NOL4: variants seen among roughly 807,000 people sequenced by gnomAD.
NOL4 encodes cancer/testis antigen 125.
In NOL4, 17 loss-of-function variants were observed where a neutral mutation model predicts 75.9. That is an observed-to-expected ratio of 0.22 (90% CI 0.15 to 0.34). NOL4 has a LOEUF of 0.34. Among genes scored for constraint, NOL4 ranks in the 10% least tolerant of loss-of-function variants. NOL4 has a pLI of 1.00. For missense variants in NOL4, 614 were observed against 793.5 expected, an observed-to-expected ratio of 0.77 and a Z score of 2.72; for synonymous variants, 292 against 289.9, an observed-to-expected ratio of 1.01 and a Z score of -0.07.
chr18:33,986,255 A>G (rs1424796456), intron 6 of NOL4, among the ~76,000 whole-genome samples: 1 of 152,152 alleles, frequency 6.6e-6, no homozygotes, highest in East Asian at 1.9e-4. Context: ...GTATTGATCT[A>G]TTACTTTTTG....
chr18:34,001,665 G>T (rs1185111933), intron 6 of NOL4: 1 of 152,104 alleles, frequency 6.6e-6, no homozygotes, highest in Non-Finnish European at 1.5e-5. Flanking sequence ...CCTGTTCGAT[G>T]ATGACATTTC....
chr18:34,002,988 C>A (rs957780879), intron 6 of NOL4, among the ~76,000 whole-genome samples: 3 of 151,902 alleles, frequency 2.0e-5, no homozygotes, highest in Non-Finnish European at 2.9e-5. Context: ...AAACATTATC[C>A]CCATTTTTCA....
At chr18:34,198,997 A>C (rs2146465160) in intron 1 of NOL4, among the ~76,000 whole-genome samples, 1 of 151,964 alleles carries the variant, frequency 6.6e-6, no homozygotes, top group Non-Finnish European at 1.5e-5. Context: ...CCTATTATTC[A>C]CTAATGTTAA....
rs147454181 is a variant in NOL4 at position 34,043,943 on chromosome 18, G to A, written c.773-24342C>T. Reference sequence around the variant, plus strand: ...GTATACCTCCAGAATTAGCTTAGGGGTCTCTCTCATGGGATAAATAAAAAG... The same window carrying A: ...GTATACCTCCAGAATTAGCTTAGGGATCTCTCTCATGGGATAAATAAAAAG... On this transcript the variant is annotated intron_variant, in intron 5 of 10. Transcript: ENST00000261592. 8.4e-3 allele frequency among the ~76,000 whole-genome samples: 1,282 copies of A among 152,098 alleles called. 16 individuals are homozygous for A. The highest frequency in any genetic ancestry group is 0.027 in the Middle Eastern group (8 of 294).
chr18:34,068,437 G>A (rs940511940), intron 5 of NOL4, among the ~76,000 whole-genome samples: 2 of 151,630 alleles, frequency 1.3e-5, no homozygotes, highest in African/African-American at 4.8e-5. Context: ...GTCTCACTCC[G>A]TCGCCAGGCT....
At chr18:33,988,871 AT>A (rs567929576) in intron 6 of NOL4, among the ~76,000 whole-genome samples, 6 of 151,940 alleles carry the variant, frequency 3.9e-5, no homozygotes, top group Non-Finnish European at 8.8e-5. Context: ...CAATTTGGAA[AT>A]TTTTATCAAG....
chr18:34,135,038 G>T (rs897562870), intron 1 of NOL4, among the ~76,000 whole-genome samples: 1 of 152,098 alleles, frequency 6.6e-6, no homozygotes, highest in African/African-American at 2.4e-5. Flanking sequence ...GAGCAGAAGG[G>T]AGAGAATATG....
chr18:33,886,894 T>C (rs978727794), intron 9 of NOL4, among the ~76,000 whole-genome samples: 9 of 135,096 alleles, frequency 6.7e-5, no homozygotes, highest in African/African-American at 2.6e-4. Context: ...TATCTAGATA[T>C]ATTATATCTA....
chr18:34,000,834 T>C lies in NOL4; in HGVS notation c.1056+18484A>G, dbSNP rs375133584. On this transcript the variant is annotated intron_variant, in intron 6 of 10. Transcript: ENST00000261592. Reference sequence around the variant, plus strand: ...CTGCAGACAACATAAAATGCTAATTTCTATTTTTTCTACTCAGAAGTACTG... The same window carrying C: ...CTGCAGACAACATAAAATGCTAATTCCTATTTTTTCTACTCAGAAGTACTG... Among the ~76,000 whole-genome samples, 108 of 152,264 alleles carry C rather than the reference T, an allele frequency of 7.1e-4. 2 individuals carry two copies. The South Asian group carries it at 0.02, about 28-fold the overall frequency.
At chr18:33,943,836 C>T (rs1404053085) in intron 8 of NOL4, among the ~76,000 whole-genome samples, 6 of 151,706 alleles carry the variant, frequency 4.0e-5, no homozygotes, top group African/African-American at 7.3e-5. Flanking sequence ...TTTATAGGGA[C>T]GTGTTGAAAT....
chr18:34,163,877 T>C (rs1240016066), intron 1 of NOL4, among the ~76,000 whole-genome samples: 2 of 152,164 alleles, frequency 1.3e-5, no homozygotes, highest in Non-Finnish European at 1.5e-5. Flanking sequence ...AGCATGGTAC[T>C]GGTACCAAAA....
At chr18:33,857,676 G>A (rs979875502) in intron 10 of NOL4, among the ~76,000 whole-genome samples, 3 of 151,976 alleles carry the variant, frequency 2.0e-5, no homozygotes, top group Admixed American at 6.6e-5. Context: ...ATTCTATTCT[G>A]ACAAAATTTC....
At chr18:34,109,144 C>T (rs956279078) in intron 2 of NOL4, among the ~76,000 whole-genome samples, 3 of 151,796 alleles carry the variant, frequency 2.0e-5, no homozygotes, top group African/African-American at 7.3e-5. Flanking sequence ...AAACTGGGAA[C>T]ACAACATATC....
At chr18:33,945,391 C>T (rs1019235591) in intron 8 of NOL4, among the ~76,000 whole-genome samples, 24 of 151,640 alleles carry the variant, frequency 1.6e-4, no homozygotes, top group Admixed American at 5.9e-4. Context: ...ACATGGAGAA[C>T]GTAAGTAAAA....
intron 6 of NOL4, among the ~76,000 whole-genome samples, chr18:34,008,246 G>A (rs1197892679): frequency 1.3e-5 from 2 of 151,942 alleles, no homozygotes; most frequent in African/African-American, 4.8e-5. Context: ...AGGCCTTCAG[G>A]CTTACACTGG....
intron 1 of NOL4, among the ~76,000 whole-genome samples, chr18:34,186,837 C>T (rs114666602): frequency 5.2e-4 from 78 of 149,650 alleles, no homozygotes; most frequent in African/African-American, 1.6e-3. Context: ...TTTAAAAAAA[C>T]AACAACAACA....
At chr18:34,163,109 C>T (rs943306845) in intron 1 of NOL4, among the ~76,000 whole-genome samples, 2 of 152,070 alleles carry the variant, frequency 1.3e-5, no homozygotes, top group African/African-American at 4.8e-5. Context: ...TAAGAGCTAT[C>T]TATGACAAAC....
chr18:33,999,242 G>A (rs2073522231), intron 6 of NOL4, among the ~76,000 whole-genome samples: 1 of 150,844 alleles, frequency 6.6e-6, no homozygotes, highest in African/African-American at 2.4e-5. Context: ...CTCCTGGGCT[G>A]GCTTAATCAA....
intron 10 of NOL4, among the ~76,000 whole-genome samples, chr18:33,868,302 G>T (rs2144429949): frequency 6.6e-6 from 1 of 151,740 alleles, no homozygotes; most frequent in Middle Eastern, 3.4e-3. Context: ...CTTCAGCTAG[G>T]ATTATAGGTG....
Sources: allele counts gnomAD v4.1 joint callset (sites outside exome capture counted in the v4.1 genomes callset), GRCh38; gene constraint gnomAD v4.1.1; transcripts MANE v1.5; gene names NCBI Gene and HGNC (gene_info 2026-07-23, HGNC 2026-07-21).